The following TRMT44 variants were observed in gnomAD, a reference collection of about 807,000 sequenced individuals.
TRMT44 encodes the protein probable tRNA (uracil-O(2)-)-methyltransferase.
In TRMT44, 78 loss-of-function variants were observed where a neutral mutation model predicts 77.3. The observed-to-expected ratio is 1.01, with a 90% confidence interval of 0.84 to 1.22. TRMT44 has a LOEUF of 1.22. Ranked by LOEUF, TRMT44 falls within the 50% of genes most tolerant of loss-of-function variation. TRMT44 has a pLI of 0.00. For missense variants in TRMT44, 1,090 were observed against 964.4 expected (o/e 1.13, Z -1.73); for synonymous variants, 391 against 383.3 (o/e 1.02, Z -0.23).
intron 2 of TRMT44, among the ~76,000 whole-genome samples, chr4:8,491,352 T>G (rs909960592): frequency 1.3e-5 from 2 of 152,232 alleles, no homozygotes; most frequent in African/African-American, 4.8e-5. Flanking sequence ...CTTCACCTAG[T>G]GGATCCCGCA....
downstream of TRMT44, among the ~76,000 whole-genome samples, chr4:8,495,166 G>A (rs1190835922): frequency 6.6e-6 from 1 of 152,204 alleles, no homozygotes; most frequent in Non-Finnish European, 1.5e-5. Context: ...TTCACACCTG[G>A]AACAGGAGGC....
chr4:8,442,988 AG>A (rs984114135), intron 1 of TRMT44, among the ~76,000 whole-genome samples: 35 of 152,164 alleles, frequency 2.3e-4, no homozygotes, highest in Non-Finnish European at 8.8e-5. Context: ...CATATAATAC[AG>A]TATATTCACG....
chr4:8,475,308 C>T (rs1727301703), intron 10 of TRMT44, among the ~76,000 whole-genome samples: 1 of 152,214 alleles, frequency 6.6e-6, no homozygotes, highest in East Asian at 1.9e-4. Flanking sequence ...TCCCTCCTTC[C>T]TCCACTCAAG....
At chr4:8,441,772 C>A (rs1724723654) in intron 1 of TRMT44, among the ~76,000 whole-genome samples, 1 of 152,124 alleles carries the variant, frequency 6.6e-6, no homozygotes. Context: ...TACTCAAAGT[C>A]CGGTGGCGAC....
chr4:8,483,402 G>A, intron 2 of TRMT44, among the ~76,000 whole-genome samples: 1 of 149,222 alleles, frequency 6.7e-6, no homozygotes, highest in East Asian at 1.9e-4. Flanking sequence ...AGATAGTAGG[G>A]TTGACAAGTT....
intron 6 of TRMT44, 66 bp downstream of exon 6, chr4:8,454,879 A>C: frequency 7.0e-7 from 1 of 1,428,650 alleles, no homozygotes; most frequent in Non-Finnish European, 9.9e-7. Context: ...AATTGCTGTA[A>C]TGAATGTGTC....
the TRMT44 span, among the ~76,000 whole-genome samples, chr4:8,505,856 G>A: frequency 1.3e-5 from 2 of 152,270 alleles, no homozygotes; most frequent in African/African-American, 4.8e-5. Flanking sequence ...AGGTTTGATG[G>A]TTTTGTAAGG....
intron 6 of TRMT44, among the ~76,000 whole-genome samples, chr4:8,457,017 GCC>G (rs34337697): frequency 0.23 from 28,267 of 125,504 alleles, 2,907 homozygotes; most frequent in African/African-American, 0.31. Context: ...CAAGACACCC[GCC>G]CCCCCCCCCC....
intron 2 of TRMT44, among the ~76,000 whole-genome samples, chr4:8,485,931 C>A (rs536271036): frequency 6.6e-6 from 1 of 152,196 alleles, no homozygotes; most frequent in African/African-American, 2.4e-5. Context: ...GTGGGTAGCC[C>A]CCGTATCGAT....
Position 8,454,813 on chromosome 4 carries a change from G to A in TRMT44, c.1203G>A (p.Glu401=). 3 of 1,614,124 alleles carry A rather than the reference G, an allele frequency of 1.9e-6. No individual in the cohort carries two copies. Among genetic ancestry groups the A allele is most frequent in the Non-Finnish European group, 2.5e-6 (3 of 1,179,980 alleles). Residue 401 remains glutamate (E), a splice_region_variant and synonymous_variant, in exon 6 of 11, where the codon GAG becomes GAA. Coordinates refer to ENST00000389737, the MANE Select transcript of TRMT44 (RefSeq NM_152544.3). ...TGTATGGACCACAAACTCAGTTAGAGGTACCGTCTTTATTACGCATGCCCT... is the reference window on the plus strand; with the variant it reads ...TGTATGGACCACAAACTCAGTTAGAAGTACCGTCTTTATTACGCATGCCCT... The part of the protein sequence containing the change: ...WDMYGPQTQL[E]EDAITPNDKT...
chr4:8,482,594 G>A (rs560558470), intron 2 of TRMT44, among the ~76,000 whole-genome samples: 9 of 152,192 alleles, frequency 5.9e-5, no homozygotes, highest in Non-Finnish European at 1.2e-4. Flanking sequence ...GCAGGAGTGG[G>A]GGTCGCAAGG....
intron 2 of TRMT44, among the ~76,000 whole-genome samples, chr4:8,484,267 C>T (rs544904692): frequency 2.3e-4 from 35 of 152,004 alleles, no homozygotes; most frequent in African/African-American, 8.0e-4. Context: ...GTGTGGTATC[C>T]GGAATAATGT....
intron 2 of TRMT44, among the ~76,000 whole-genome samples, chr4:8,447,306 G>C (rs1348884660): frequency 2.6e-5 from 4 of 152,208 alleles, no homozygotes; most frequent in African/African-American, 9.7e-5. Flanking sequence ...ATTTGGGCCT[G>C]TATAGAAAGT....
chr4:8,449,422 C>T (rs1378150822), intron 2 of TRMT44, among the ~76,000 whole-genome samples: 4 of 152,178 alleles, frequency 2.6e-5, no homozygotes, highest in African/African-American at 2.4e-5. Context: ...TTTGTTCAGC[C>T]GCCTCAGGGG....
chr4:8,488,431 G>A (rs1395045454), intron 2 of TRMT44, among the ~76,000 whole-genome samples: 1 of 152,222 alleles, frequency 6.6e-6, no homozygotes, highest in South Asian at 2.1e-4. Context: ...AGTCAAAGGA[G>A]GTTTGTTCTC....
downstream of TRMT44, among the ~76,000 whole-genome samples, chr4:8,496,170 T>G (rs181794571): frequency 6.6e-6 from 1 of 152,332 alleles, no homozygotes; most frequent in African/African-American, 2.4e-5. Flanking sequence ...TAGAGGGTAT[T>G]TAACCCAGAA....
Position 8,441,021 on chromosome 4 carries a change from CAGA to C in TRMT44, c.202_204del (p.Lys68del), listed in dbSNP as rs1275438867. 18 of 1,506,520 alleles carry C rather than the reference CAGA, an allele frequency of 1.2e-5. No individual in the cohort carries two copies. Among genetic ancestry groups the C allele is most frequent in the Non-Finnish European group, 1.5e-5 (17 of 1,134,616 alleles). 93.3% of individuals were successfully genotyped at this position (1,506,520 alleles called of 1,614,324 possible). On this transcript the variant is annotated inframe_deletion, in exon 1 of 11. Coordinates refer to ENST00000389737, the MANE Select transcript of TRMT44 (RefSeq NM_152544.3). ...CCCCGGGACTAGCGCAGGCTCGGAG[CAGA>C]AGGAGCGGGGTCCGGGACCCGGCCA... is the stretch of plus-strand genomic sequence containing the variant.
intron 2 of TRMT44, among the ~76,000 whole-genome samples, chr4:8,448,200 T>G (rs941757570): frequency 6.6e-6 from 1 of 152,230 alleles, no homozygotes; most frequent in African/African-American, 2.4e-5. Flanking sequence ...CCAGATGTAC[T>G]GCCTTCTGAG....
At chr4:8,448,500 A>G (rs1725206761) in intron 2 of TRMT44, among the ~76,000 whole-genome samples, 1 of 152,190 alleles carries the variant, frequency 6.6e-6, no homozygotes, top group Non-Finnish European at 1.5e-5. Flanking sequence ...AGGAGGCCGT[A>G]TGGACCTCTG....
Sources: gnomAD v4.1 joint callset for allele counts (sites outside exome capture counted in the v4.1 genomes callset) on GRCh38, gnomAD v4.1.1 for gene constraint, MANE v1.5 for transcripts, NCBI Gene and HGNC (gene_info 2026-07-23, HGNC 2026-07-21) for gene names.